The following MRE11 variants were observed in gnomAD, a reference collection of about 807,000 sequenced individuals.
MRE11 encodes the protein double-strand break repair protein MRE11.
Under a neutral mutation model 91.7 loss-of-function variants are expected in MRE11, and 62 were observed. That is an observed-to-expected ratio of 0.68 (90% CI 0.55 to 0.84). MRE11 has a LOEUF of 0.84. Among genes scored for constraint, MRE11 ranks in the 40% least tolerant of loss-of-function variants. The pLI is 0.00. For missense variants in MRE11, 796 were observed against 852.9 expected (o/e 0.93, Z 0.83); for synonymous variants, 273 against 271.4 (o/e 1.01, Z -0.06).
chr11:94,446,362 G>A (rs544301719), intron 15 of MRE11, among the ~76,000 whole-genome samples: 5 of 152,182 alleles, frequency 3.3e-5, no homozygotes, highest in African/African-American at 1.2e-4. Context: ...AGCTGAAATC[G>A]CACCATTGCA....
At chr11:94,509,874 C>T in the MRE11 span, among the ~76,000 whole-genome samples, 5 of 152,202 alleles carry the variant, frequency 3.3e-5, no homozygotes, top group African/African-American at 1.2e-4. Context: ...AAAACTTGAT[C>T]GTGATGTATG....
At chr11:94,504,391 A>G in the MRE11 span, among the ~76,000 whole-genome samples, 2 of 152,218 alleles carry the variant, frequency 1.3e-5, no homozygotes, top group East Asian at 3.8e-4. Flanking sequence ...TTAAAAAAAT[A>G]TGTTTCACCA....
intron 17 of MRE11, 115 bp from the exon 18 acceptor site, chr11:94,436,014 A>G (rs1053537263): frequency 3.2e-6 from 3 of 937,272 alleles, no homozygotes; most frequent in Admixed American, 3.7e-5. Flanking sequence ...GCCACAAAAA[A>G]GGAGACAGAA....
chr11:94,487,584 C>T (rs1947173379), intron 3 of MRE11, among the ~76,000 whole-genome samples: 1 of 152,212 alleles, frequency 6.6e-6, no homozygotes, highest in South Asian at 2.1e-4. Flanking sequence ...GGATCCTGGA[C>T]ACCACCAACC....
At position 94,461,968 on chromosome 11, in the gene MRE11, G is replaced by A. The variant is rs570221463; in HGVS notation, c.1226-932C>T. On this transcript the variant is annotated intron_variant, in intron 11 of 19. Transcript: ENST00000323929. ...CAGGTGCCTGTAGTCCCAGCGACTC[G>A]GGAGGCTGAGGCAGGAGAATGGCGT... 4.6e-5 allele frequency among the ~76,000 whole-genome samples: 7 copies of A among 152,246 alleles called. No individual in the cohort carries two copies. In the East Asian group the frequency reaches 5.8e-4, roughly 13 times the overall value.
At chr11:94,486,232 T>G (rs1947140279) in intron 3 of MRE11, 148 bp from the exon 4 acceptor site, 3 of 766,066 alleles carry the variant, frequency 3.9e-6, no homozygotes, top group Non-Finnish European at 6.1e-6. Flanking sequence ...TCAAAGGGAC[T>G]TTCAATCTGG....
In MRE11 at chr11:94,490,765, T is replaced by A. The variant is rs116481709; in HGVS notation, c.153+68A>T. On this transcript the variant is annotated intron_variant, in intron 3 of 19. Coordinates refer to ENST00000323929, the MANE Select transcript of MRE11 (RefSeq NM_005591.4). ...AGCTTATAAAACAAATCTCTAACTT[T>A]AGAAGGAAAAATAACTTGTTAACCA... 7.4e-4 allele frequency: 1,163 copies of A among 1,572,760 alleles called. 9 individuals carry two copies. The African/African-American group carries it at 9.9e-3, about 13-fold the overall frequency.
chr11:94,475,614 T>A (rs1473054865), intron 7 of MRE11: 1 of 455,742 alleles, frequency 2.2e-6, no homozygotes, highest in Non-Finnish European at 4.4e-6. Context: ...CAATCAATCC[T>A]ATACCCTGCC....
intron 18 of MRE11, among the ~76,000 whole-genome samples, chr11:94,431,693 G>A (rs778039288): frequency 3.3e-5 from 5 of 152,178 alleles, no homozygotes; most frequent in Non-Finnish European, 7.3e-5. Flanking sequence ...AAATGGGGAT[G>A]ATAAAGTTAT....
At chr11:94,466,503 G>A (rs1946566907) in intron 10 of MRE11, 1 of 531,798 alleles carries the variant, frequency 1.9e-6, no homozygotes, top group South Asian at 1.4e-5. Flanking sequence ...GAAGCATTTG[G>A]TTGGTGCACA....
chr11:94,465,046 A>C (rs1244859117), intron 10 of MRE11, among the ~76,000 whole-genome samples: 1 of 152,166 alleles, frequency 6.6e-6, no homozygotes, highest in African/African-American at 2.4e-5. Flanking sequence ...ACCTCCTGTA[A>C]GCTCGACGAA....
intron 18 of MRE11, 146 bp downstream of exon 18, chr11:94,435,686 G>A: frequency 1.5e-6 from 1 of 680,964 alleles, no homozygotes; most frequent in Non-Finnish European, 2.6e-6. Flanking sequence ...ACTAGCCCTT[G>A]GTCTGTTTTC....
intron 8 of MRE11, among the ~76,000 whole-genome samples, chr11:94,471,329 G>A (rs1458543964): frequency 6.6e-6 from 1 of 151,906 alleles, no homozygotes; most frequent in Non-Finnish European, 1.5e-5. Flanking sequence ...ATAAAAATGT[G>A]CATCTTGAAT....
At chr11:94,428,755 C>A (rs747026612) in intron 19 of MRE11, among the ~76,000 whole-genome samples, 5 of 151,714 alleles carry the variant, frequency 3.3e-5, no homozygotes, top group Admixed American at 6.6e-5. Flanking sequence ...CCCAGCTACT[C>A]GGGAGGCTGA....
rs1947326375 is a variant in MRE11 at position 94,492,882 on chromosome 11, C to T, written c.-81G>A. 7.9e-7 allele frequency: 1 copy of T among 1,265,552 alleles called. No homozygotes were observed. Among genetic ancestry groups the T allele is most frequent in the Non-Finnish European group, 1.1e-6 (1 of 879,598 alleles). 78.4% of individuals were successfully genotyped at this position (1,265,552 alleles called of 1,614,324 possible). A position where few individuals can be genotyped will look rare whatever the true frequency, so the allele number is the denominator to read the frequency against. The stretch of plus-strand genomic sequence containing the variant: ...TACTGTACTCAAATGTCAGAAAATG[C>T]ACTCGATTCCAAATTCTAGAAATTC... On this transcript the variant is annotated 5_prime_UTR_variant, in exon 2 of 20. Coordinates refer to ENST00000323929, the MANE Select transcript of MRE11 (RefSeq NM_005591.4).
chr11:94,435,463 G>A (rs1945580612), intron 18 of MRE11, among the ~76,000 whole-genome samples: 1 of 152,082 alleles, frequency 6.6e-6, no homozygotes, highest in African/African-American at 2.4e-5. Context: ...GGCTGAGGTG[G>A]GAGAATTGCT....
At chr11:94,480,680 A>T (rs1212923339) in intron 4 of MRE11, among the ~76,000 whole-genome samples, 3 of 152,246 alleles carry the variant, frequency 2.0e-5, no homozygotes, top group African/African-American at 7.2e-5. Context: ...AGAGATTTAC[A>T]CATAATGCAA....
intron 4 of MRE11, among the ~76,000 whole-genome samples, chr11:94,485,486 T>A (rs1203867911): frequency 6.6e-6 from 1 of 150,842 alleles, no homozygotes; most frequent in African/African-American, 2.4e-5. Context: ...AAGTAACTTC[T>A]GCAATTCAGG....
chr11:94,428,449 A>T (rs563807), intron 19 of MRE11, among the ~76,000 whole-genome samples: 47,812 of 152,110 alleles, frequency 0.31, 7,860 homozygotes, highest in Middle Eastern at 0.42. Flanking sequence ...AAGAAAACCA[A>T]GAAAATACCC....
Sources: allele counts gnomAD v4.1 joint callset (sites outside exome capture counted in the v4.1 genomes callset), GRCh38; gene constraint gnomAD v4.1.1; transcripts MANE v1.5; gene names NCBI Gene and HGNC (gene_info 2026-07-23, HGNC 2026-07-21).